The following TRIM11 variants were observed in gnomAD, a reference collection of about 807,000 sequenced individuals.
TRIM11 encodes the protein tripartite motif containing 11, also known as E3 ubiquitin-protein ligase TRIM11.
In TRIM11, 15 loss-of-function variants were observed where a neutral mutation model predicts 33.4. The ratio of observed to expected loss-of-function variants is 0.45; its 90% CI spans 0.30 to 0.69. TRIM11 has a LOEUF of 0.69. Ranked by LOEUF, TRIM11 falls within the 30% of genes least tolerant of loss-of-function variation. The probability of loss-of-function intolerance (pLI) is 0.08; values close to 1 mark genes in which losing one functional copy is unlikely to be tolerated. For missense variants in TRIM11, 499 were observed against 667.6 expected, an observed-to-expected ratio of 0.75 and a Z score of 2.78; for synonymous variants, 281 against 302.6, an observed-to-expected ratio of 0.93 and a Z score of 0.74.
At chr1:228,399,308 C>T (rs2075011475) in intron 3 of TRIM11, among the ~76,000 whole-genome samples, 1 of 152,174 alleles carries the variant, frequency 6.6e-6, no homozygotes, top group Non-Finnish European at 1.5e-5. Flanking sequence ...GCATGCAGGC[C>T]ATGTGCTGGC....
chr1:228,398,588 C>T (rs1413489560), intron 3 of TRIM11, among the ~76,000 whole-genome samples: 1 of 152,130 alleles, frequency 6.6e-6, no homozygotes, highest in Non-Finnish European at 1.5e-5. Context: ...GTACTCTAGC[C>T]TGGGCGACAG....
chr1:228,396,916 TC>T (rs759219819), intron 5 of TRIM11, 30 bp downstream of exon 5: 1 of 1,606,194 alleles, frequency 6.2e-7, no homozygotes, highest in East Asian at 2.2e-5. Flanking sequence ...CCTCCTGGAG[TC>T]ATCTCCCCAC....
At position 228,397,027 on chromosome 1, in the gene TRIM11, T is replaced by C. The variant is rs145285267; in HGVS notation, c.779A>G (p.Gln260Arg). 4 of 1,613,820 alleles carry C rather than the reference T, an allele frequency of 2.5e-6. No individual in the cohort carries two copies. In the East Asian group the frequency reaches 6.7e-5, roughly 27 times the overall value. The change falls in exon 5 of 6, where the codon CAG becomes CGG. Residue 260 changes from glutamine to arginine, a missense_variant. Gln to Arg is a conservative substitution (Grantham distance 43). Coordinates refer to ENST00000284551, the MANE Select transcript of TRIM11 (RefSeq NM_145214.3). ...ALRRVQDVKL[Q>R]PPEVVPMELR... is the part of the protein sequence containing the mutation. ...CTCCATAGGCACAACTTCTGGGGGCTGCAGCTTCACATCCTGGACCCTAGA... is the reference window on the plus strand; with the variant it reads ...CTCCATAGGCACAACTTCTGGGGGCCGCAGCTTCACATCCTGGACCCTAGA...
intron 1 of TRIM11, chr1:228,402,886 T>G (rs1325121737): frequency 6.6e-6 from 1 of 152,226 alleles, no homozygotes; most frequent in African/African-American, 2.4e-5. Flanking sequence ...CCAGCTTGTA[T>G]ACATCTGCCA....
In TRIM11 at chr1:228,401,143, G is replaced by A. The variant is rs754966975; in HGVS notation, c.556C>T (p.Arg186Cys). The change falls in exon 3 of 6, where the codon CGC (arginine) becomes TGC (cysteine). Residue 186 changes from arginine (R) to cysteine (C), a missense_variant. By Grantham distance (180) the Arg-to-Cys change is radical. Transcript: ENST00000284551. This position sits in a 1 kb window ranked among gnomAD's most constrained non-coding sequence, Gnocchi z 6.1. Reference sequence around the variant, plus strand: ...TGCTCCTCCTCTGCCAGCAAACGGCGAAGACGCTCGAACTCACCCAGCACG... The same window carrying A: ...TGCTCCTCCTCTGCCAGCAAACGGCAAAGACGCTCGAACTCACCCAGCACG... ...QNVLGEFERL[R>C]RLLAEEEQQL... 4.3e-6 allele frequency: 7 copies of A among 1,613,466 alleles called. No individual in the cohort carries two copies. Among genetic ancestry groups the A allele is most frequent in the Admixed American group, 3.3e-5 (2 of 59,998 alleles).
chr1:228,396,897 G>A (rs1374466783), intron 5 of TRIM11, 50 bp downstream of exon 5: 2 of 1,572,100 alleles, frequency 1.3e-6, no homozygotes, highest in Admixed American at 1.7e-5. Flanking sequence ...CCAGGTCCTT[G>A]GCAGGTCCCC....
intron 5 of TRIM11, chr1:228,396,697 C>T (rs2149090450): frequency 1.4e-6 from 1 of 717,690 alleles, no homozygotes; most frequent in Admixed American, 2.0e-5. Flanking sequence ...ACTGGCAATT[C>T]TGTTCAATGC....
intron 1 of TRIM11, 78 bp from the exon 2 acceptor site, chr1:228,402,239 C>T (rs771830307): frequency 2.8e-6 from 3 of 1,088,124 alleles, no homozygotes; most frequent in Non-Finnish European, 4.0e-6. Context: ...GACACCCTGT[C>T]CCCTCCTCAA....
rs141363565 is a variant in TRIM11, at chr1:228,401,123, C to T, written c.576G>A (p.Glu192=). The T allele has an allele frequency of 7.6e-5, 123 of 1,613,522 alleles. No homozygotes were observed. Among genetic ancestry groups the T allele is most frequent in the Non-Finnish European group, 1.0e-4 (118 of 1,179,940 alleles). Residue 192 remains glutamate (E), a synonymous_variant, in exon 3 of 6, where the codon GAG becomes GAA. Coordinates refer to ENST00000284551, the MANE Select transcript of TRIM11 (RefSeq NM_145214.3). This position sits in a 1 kb window ranked among gnomAD's most constrained non-coding sequence, Gnocchi z 6.1. ...CCAGCCTCTGCAGCAGCTGCTGCTC[C>T]TCCTCTGCCAGCAAACGGCGAAGAC... is the stretch of plus-strand genomic sequence containing the variant. ...FERLRRLLAE[E]EQQLLQRLEE...
chr1:228,394,720 G>C lies in TRIM11; in HGVS notation c.1392C>G (p.Thr464=). 6.2e-7 allele frequency: 1 copy of C among 1,601,396 alleles called. No individual in the cohort carries two copies. Among genetic ancestry groups the C allele is most frequent in the South Asian group, 1.1e-5 (1 of 90,210 alleles). The part of the protein sequence containing the change: ...ICRPKGGSGD[T]LAPQ ...AGGGCCCGAGTCACTGGGGAGCCAG[G>C]GTGTCCCCGGACCCACCTTTCGGCC... is the stretch of plus-strand genomic sequence containing the variant. Residue 464 remains threonine, a synonymous_variant, in exon 6 of 6, where the codon ACC becomes ACG. Transcript: ENST00000284551. The surrounding 1 kb of genome is among the most constrained non-coding windows in gnomAD (Gnocchi z 6.2).
At chr1:228,404,984 A>AT (rs554000512) in intron 1 of TRIM11, 1 of 152,150 alleles carries the variant, frequency 6.6e-6, no homozygotes, top group Non-Finnish European at 1.5e-5. Context: ...GTAGAGGGAA[A>AT]TTTTTTTCTT....
At chr1:228,397,112 G>GC (rs753082552) in intron 4 of TRIM11, 31 bp downstream of exon 4, 51 of 1,613,602 alleles carry the variant, frequency 3.2e-5, no homozygotes, top group African/African-American at 9.3e-5. Context: ...ACTCCCTCCT[G>GC]CCCCCCCTCC....
In TRIM11 at chr1:228,403,326, A is replaced by G. The variant is rs1353935624; in HGVS notation, c.409-1165T>C. 2 of 152,296 alleles carry G rather than the reference A, an allele frequency of 1.3e-5. No individual in the cohort carries two copies. Among genetic ancestry groups the G allele is most frequent in the African/African-American group, 4.8e-5 (2 of 41,462 alleles). The allele number at this position is 152,296 out of a possible 1,614,324, so 9.4% of individuals were successfully genotyped here. On this transcript the variant is annotated intron_variant, in intron 1 of 5. Coordinates refer to ENST00000284551, the MANE Select transcript of TRIM11 (RefSeq NM_145214.3). This position sits in a 1 kb window ranked among gnomAD's most constrained non-coding sequence, Gnocchi z 4.8. The stretch of plus-strand genomic sequence containing the variant: ...AAGGATGGAGGTGCTGGGAGGGTCC[A>G]GAAGTCTGCCCCGGTAGCAGAGCCA...
chr1:228,397,275 C>T (rs1574083669), intron 3 of TRIM11, 110 bp from the exon 4 acceptor site: 8 of 1,348,706 alleles, frequency 5.9e-6, no homozygotes, highest in Middle Eastern at 2.7e-4. Flanking sequence ...TACATTTGAG[C>T]GTCAGGCAGC....
At chr1:228,405,975 C>G in intron 1 of TRIM11, 179 bp downstream of exon 1, 1 of 664,398 alleles carries the variant, frequency 1.5e-6, no homozygotes, top group Non-Finnish European at 2.2e-6. Context: ...GTCATGAGCC[C>G]CCACAGCCAC....
At position 228,395,057 on chromosome 1, in the gene TRIM11, G is replaced by C. The variant is rs2074968710; in HGVS notation, c.1055C>G (p.Thr352Ser). Residue 352 changes from threonine to serine, a missense_variant, in exon 6 of 6, where the codon ACC (threonine) becomes AGC (serine). Thr to Ser is a moderately conservative substitution (Grantham distance 58). Transcript: ENST00000284551. The surrounding 1 kb of genome is among the most constrained non-coding windows in gnomAD (Gnocchi z 4.8). ...HYWEVEVGDR[T>S]SWALGVCREN... ...CCTGCACACCCCCAGGGCCCAGCTG[G>C]TGCGGTCCCCAACCTCCACCTCCCA... 6.2e-7 allele frequency: 1 copy of C among 1,611,918 alleles called. No homozygotes were observed. Among genetic ancestry groups the C allele is most frequent in the Non-Finnish European group, 8.5e-7 (1 of 1,178,978 alleles).
In TRIM11 at chr1:228,406,080, A is replaced by AACAGC; in HGVS notation, c.408+73_408+74insGCTGT. 2.3e-6 allele frequency: 3 copies of AACAGC among 1,278,036 alleles called. No homozygotes were observed. Among genetic ancestry groups the AACAGC allele is most frequent in the Non-Finnish European group, 3.0e-6 (3 of 998,944 alleles). 79.2% of individuals were successfully genotyped at this position (1,278,036 alleles called of 1,614,324 possible). ...GATTACTCCCGGAGCAGTCCCCCAA[A>AACAGC]CCTCCCACCCGCCCAGGCCTCCCCA... is the stretch of plus-strand genomic sequence containing the variant. On this transcript the variant is annotated intron_variant, in intron 1 of 5. Coordinates refer to ENST00000284551, the MANE Select transcript of TRIM11 (RefSeq NM_145214.3). This position sits in a 1 kb window ranked among gnomAD's most constrained non-coding sequence, Gnocchi z 8.2.
At chr1:228,402,200 C>A in intron 1 of TRIM11, 39 bp from the exon 2 acceptor site, 1 of 1,545,332 alleles carries the variant, frequency 6.5e-7, no homozygotes, top group East Asian at 2.3e-5. Context: ...GACATGAGTC[C>A]TGTCACAGAA....
chr1:228,394,566 G>C lies in TRIM11; in HGVS notation c.*139C>G, dbSNP rs1034662343. The C allele has an allele frequency of 3.1e-6, 3 of 969,954 alleles. No individual in the cohort carries two copies. The highest frequency in any genetic ancestry group is 5.3e-5 in the East Asian group (2 of 37,648). 60.1% of individuals were successfully genotyped at this position (969,954 alleles called of 1,614,324 possible). A position where few individuals can be genotyped will look rare whatever the true frequency, so the allele number is the denominator to read the frequency against. On this transcript the variant is annotated 3_prime_UTR_variant, in exon 6 of 6. Transcript: ENST00000284551. This position sits in a 1 kb window ranked among gnomAD's most constrained non-coding sequence, Gnocchi z 6.2. ...AGTGCTAGAATTGGGGTTCTCCCACGCAGGCTCAGAAAGGCACCAGGAGTT... is the reference window on the plus strand; with the variant it reads ...AGTGCTAGAATTGGGGTTCTCCCACCCAGGCTCAGAAAGGCACCAGGAGTT...
Sources: gnomAD v4.1 joint callset for allele counts (sites outside exome capture counted in the v4.1 genomes callset) on GRCh38, gnomAD v4.1.1 for gene constraint, Gnocchi (gnomAD v3.1) non-coding constraint, MANE v1.5 for transcripts, NCBI Gene and HGNC (gene_info 2026-07-23, HGNC 2026-07-21) for gene names.